ZIC4: variants seen among roughly 807,000 people sequenced by gnomAD.
ZIC4 encodes the protein zinc finger protein ZIC 4.
A neutral mutation model predicts 28.8 loss-of-function variants in ZIC4; 15 were observed. The observed-to-expected ratio is 0.52, with a 90% CI of 0.35 to 0.80. The LOEUF (loss-of-function observed/expected upper bound fraction) is 0.80, where lower values mean the gene tolerates loss of function less well. Among genes scored for constraint, ZIC4 ranks in the 30% least tolerant of loss-of-function variants. The probability of loss-of-function intolerance (pLI) is 0.01; values close to 1 mark genes in which losing one functional copy is unlikely to be tolerated. For synonymous variants in ZIC4, 220 were observed against 198.1 expected (o/e 1.11, Z -0.93); for missense variants, 512 against 467.1 (o/e 1.10, Z -0.89).
chr3:147,403,868 A>G, intron 1 of ZIC4: 2 of 1,216,836 alleles, frequency 1.6e-6, no homozygotes, highest in Non-Finnish European at 2.2e-6. Flanking sequence ...CTCCCCCTCA[A>G]CGTCCAACCA....
intron 3 of ZIC4, chr3:147,393,922 A>C (rs917503644): frequency 4.4e-6 from 2 of 456,594 alleles, no homozygotes; most frequent in African/African-American, 4.0e-5. Context: ...AGTCGCCTTC[A>C]AAGCCAGGCC....
intron 2 of ZIC4, chr3:147,397,147 G>A (rs910358176): frequency 1.3e-5 from 2 of 151,882 alleles, no homozygotes; most frequent in African/African-American, 4.8e-5. Flanking sequence ...CACCCCCTTG[G>A]CTATTAATGC....
At chr3:147,389,512 A>AT (rs2107961689) in intron 4 of ZIC4, 1 of 152,018 alleles carries the variant, frequency 6.6e-6, no homozygotes, top group Admixed American at 6.5e-5. Flanking sequence ...AAGCTTTATT[A>AT]TTTTATTTTC....
At chr3:147,390,832 C>T (rs1352365566) in intron 4 of ZIC4, 99 bp downstream of exon 4, 3 of 1,415,470 alleles carry the variant, frequency 2.1e-6, no homozygotes, top group Non-Finnish European at 2.8e-6. Flanking sequence ...AGCCCTAATA[C>T]CGGAGGCGGC....
chr3:147,405,929 G>A (rs2087267905), intron 1 of ZIC4: 2 of 165,200 alleles, frequency 1.2e-5, no homozygotes, highest in Non-Finnish European at 2.6e-5. Context: ...GCCCCCTCCC[G>A]GCACCCGCCT....
chr3:147,399,804 T>C (rs907736501), intron 2 of ZIC4, among the ~76,000 whole-genome samples: 1 of 152,088 alleles, frequency 6.6e-6, no homozygotes, highest in Non-Finnish European at 1.5e-5. Flanking sequence ...TAGCTGGGAT[T>C]ACAGGCACCC....
rs1395216197 is a variant in ZIC4 at position 147,388,744 on chromosome 3, T to C, written c.*115A>G. ...TAGAAATCCTAACTTACCATGAAGATGCACCGTGGCGAAGAAACACTGCTT... is the reference window on the plus strand; with the variant it reads ...TAGAAATCCTAACTTACCATGAAGACGCACCGTGGCGAAGAAACACTGCTT... On this transcript the variant is annotated 3_prime_UTR_variant, in exon 5 of 5. Coordinates refer to ENST00000383075, the MANE Select transcript of ZIC4 (RefSeq NM_032153.6). 1 of 717,974 alleles carries C rather than the reference T, an allele frequency of 1.4e-6. No individual in the cohort carries two copies. The highest frequency in any genetic ancestry group is 1.8e-5 in the African/African-American group (1 of 56,436). The allele number at this position is 717,974 out of a possible 1,614,324, so 44.5% of individuals were successfully genotyped here.
chr3:147,404,368 C>A, intron 1 of ZIC4: 1 of 1,125,414 alleles, frequency 8.9e-7, no homozygotes, highest in Non-Finnish European at 1.1e-6. Flanking sequence ...GGGCAGGCAA[C>A]AGGGACCTTA....
At chr3:147,404,132 C>G (rs988956086) in intron 1 of ZIC4, 1 of 1,533,086 alleles carries the variant, frequency 6.5e-7, no homozygotes, top group Non-Finnish European at 8.7e-7. Flanking sequence ...TTCCTCATGG[C>G]AGGATGTCTG....
chr3:147,403,863 CCT>C, intron 1 of ZIC4: 1 of 1,155,378 alleles, frequency 8.7e-7, no homozygotes, highest in East Asian at 2.6e-5. Flanking sequence ...TCTCTCTCCC[CCT>C]CAACGTCCAA....
At chr3:147,400,907 T>C (rs949607206) in intron 2 of ZIC4, among the ~76,000 whole-genome samples, 1 of 152,192 alleles carries the variant, frequency 6.6e-6, no homozygotes, top group Non-Finnish European at 1.5e-5. Flanking sequence ...CAACACCAAA[T>C]GCTTGACTGA....
At chr3:147,391,765 T>G in intron 3 of ZIC4, 1 of 137,108 alleles carries the variant, frequency 7.3e-6, no homozygotes, top group Non-Finnish European at 1.2e-5. Flanking sequence ...CTAAAGTAGG[T>G]TTTGCGCAAA....
In ZIC4 at chr3:147,398,885, AT is replaced by A. The variant is rs1226703881; in HGVS notation, c.71-2417del. Among the ~76,000 whole-genome samples, 13 of 151,558 alleles carry A rather than the reference AT, an allele frequency of 8.6e-5. No individual in the cohort carries two copies. In the East Asian group the frequency reaches 1.7e-3, roughly 20 times the overall value. On this transcript the variant is annotated intron_variant, in intron 2 of 4. Coordinates refer to ENST00000383075, the MANE Select transcript of ZIC4 (RefSeq NM_032153.6). ...TGGTCAGTAAATAAGGCCTTAAAAA[AT>A]TTTTTTTTAAAATAATTAACTGATG...
At position 147,396,228 on chromosome 3, in the gene ZIC4, C is replaced by T. The variant is rs371449799; in HGVS notation, c.312G>A (p.Thr104=). The change falls in exon 3 of 5, where the codon ACG becomes ACA. Residue 104 remains threonine, a synonymous_variant. Transcript: ENST00000383075. The surrounding 1 kb of genome is among the most constrained non-coding windows in gnomAD (Gnocchi z 4.2). ...ALHGYGGMNL[T]VNLAAPHGPG... is the part of the protein sequence containing the mutation. ...GACCGTGGGGCGCAGCGAGGTTCAC[C>T]GTCAGGTTCATGCCCCCGTAGCCAT... 5 of 1,613,876 alleles carry T rather than the reference C, an allele frequency of 3.1e-6. No individual in the cohort carries two copies. The highest frequency in any genetic ancestry group is 1.3e-5 in the African/African-American group (1 of 75,058).
chr3:147,391,123 C>T lies in ZIC4; in HGVS notation c.812G>A (p.Cys271Tyr). 1 of 1,614,076 alleles carries T rather than the reference C, an allele frequency of 6.2e-7. No homozygotes were observed. Among genetic ancestry groups the T allele is most frequent in the Non-Finnish European group, 8.5e-7 (1 of 1,179,930 alleles). Residue 271 changes from cysteine (C) to tyrosine (Y), a missense_variant, in exon 4 of 5, where the codon TGC (cysteine) becomes TAC (tyrosine). Coordinates refer to ENST00000383075, the MANE Select transcript of ZIC4 (RefSeq NM_032153.6). ...DKPYTCKVRGCDKCYTHPSSL... is the reference protein window; with the variant it reads ...DKPYTCKVRGYDKCYTHPSSL... ...GCTGGGGTGCGTGTAGCACTTGTCG[C>T]AGCCCCGCACCTTGCACGTGTATGG...
Position 147,396,095 on chromosome 3 carries a change from T to C in ZIC4, c.445A>G (p.Ser149Gly). Residue 149 changes from serine (S) to glycine (G), a missense_variant, in exon 3 of 5, where the codon AGC becomes GGC. This residue lies in a region of ZIC4 where 310 missense variants were observed against 256.5 expected (regional missense o/e 1.21). Coordinates refer to ENST00000383075, the MANE Select transcript of ZIC4 (RefSeq NM_032153.6). The surrounding 1 kb of genome is among the most constrained non-coding windows in gnomAD (Gnocchi z 4.2). ...ATPSLCSKTF[S>G]TMHELVTHVT... is the part of the protein sequence containing the mutation. Reference sequence around the variant, plus strand: ...TGCGTGACCAGCTCGTGCATGGTGCTGAAAGTTTTGGAGCAGAGGCTCGGG... The same window carrying C: ...TGCGTGACCAGCTCGTGCATGGTGCCGAAAGTTTTGGAGCAGAGGCTCGGG... 1 of 1,614,172 alleles carries C rather than the reference T, an allele frequency of 6.2e-7. No homozygotes were observed. The highest frequency in any genetic ancestry group is 8.5e-7 in the Non-Finnish European group (1 of 1,180,048).
chr3:147,390,230 G>A (rs2086884976), intron 4 of ZIC4, among the ~76,000 whole-genome samples: 1 of 151,722 alleles, frequency 6.6e-6, no homozygotes, highest in Non-Finnish European at 1.5e-5. Flanking sequence ...CCTTTATAGA[G>A]GAGGTTGGAA....
chr3:147,394,221 G>T (rs1262992604), intron 3 of ZIC4, among the ~76,000 whole-genome samples: 5 of 151,394 alleles, frequency 3.3e-5, no homozygotes, highest in African/African-American at 1.2e-4. Flanking sequence ...GTAGTTCGTT[G>T]TTGGTCGTGT....
intron 3 of ZIC4, chr3:147,392,535 C>A (rs1021822497): frequency 6.2e-5 from 48 of 775,986 alleles, no homozygotes; most frequent in Non-Finnish European, 6.9e-5. Context: ...GGTTTCTGGG[C>A]GCTTTAAACA....
Sources: gnomAD v4.1 joint callset for allele counts (sites outside exome capture counted in the v4.1 genomes callset) on GRCh38, gnomAD v4.1.1 for gene constraint, gnomAD v4.1.1 regional missense constraint, Gnocchi (gnomAD v3.1) non-coding constraint, MANE v1.5 for transcripts, NCBI Gene and HGNC (gene_info 2026-07-23, HGNC 2026-07-21) for gene names.